Variants in LHX4 observed in about 807,000 individuals in gnomAD.
LHX4 encodes the protein LIM/homeobox protein Lhx4.
A neutral mutation model predicts 39.2 loss-of-function variants in LHX4; 16 were observed. That is an observed-to-expected ratio of 0.41 (90% CI 0.28 to 0.62). The LOEUF (loss-of-function observed/expected upper bound fraction) is 0.62. LHX4 is among the 20% of genes least tolerant of loss of function. LHX4 has a pLI of 0.33. For missense variants in LHX4, 439 were observed against 511.9 expected, an observed-to-expected ratio of 0.86 and a Z score of 1.37; for synonymous variants, 206 against 198.1, an observed-to-expected ratio of 1.04 and a Z score of -0.33.
At chr1:180,244,059 C>T (rs1191372460) in intron 1 of LHX4, among the ~76,000 whole-genome samples, 2 of 152,190 alleles carry the variant, frequency 1.3e-5, no homozygotes, top group East Asian at 3.9e-4. Flanking sequence ...TCAGTTTCCT[C>T]ATCTGTAAAA....
intron 2 of LHX4, among the ~76,000 whole-genome samples, chr1:180,256,983 A>G (rs986835463): frequency 4.6e-5 from 7 of 152,258 alleles, no homozygotes; most frequent in Non-Finnish European, 8.8e-5. Context: ...GATGCCTCGC[A>G]TGAAGTTGCC....
At chr1:180,268,753 C>T (rs1648447434) in intron 3 of LHX4, among the ~76,000 whole-genome samples, 1 of 152,182 alleles carries the variant, frequency 6.6e-6, no homozygotes, top group South Asian at 2.1e-4. Flanking sequence ...TGGCCTGTTC[C>T]CCGGGTCCTT....
chr1:180,277,735 T>TGAC lies in LHX4; in HGVS notation c.*3157_*3159dup, dbSNP rs1649119832. 1 of 152,218 alleles carries TGAC rather than the reference T, an allele frequency of 6.6e-6. No homozygotes were observed. Among genetic ancestry groups the TGAC allele is most frequent in the South Asian group, 2.1e-4 (1 of 4,826 alleles). 9.4% of individuals were successfully genotyped at this position (152,218 alleles called of 1,614,324 possible). A position where few individuals can be genotyped will look rare whatever the true frequency, so the allele number is the denominator to read the frequency against. On this transcript the variant is annotated 3_prime_UTR_variant, in exon 6 of 6. Coordinates refer to ENST00000263726, the MANE Select transcript of LHX4 (RefSeq NM_033343.4). ...TGTGCTTTCTCTTTCTTGTCTCATC[T>TGAC]GACAGTTATGAATATAACGTAAAAT...
chr1:180,249,199 A>C (rs1355258935), intron 2 of LHX4, among the ~76,000 whole-genome samples: 1 of 152,216 alleles, frequency 6.6e-6, no homozygotes, highest in Non-Finnish European at 1.5e-5. Flanking sequence ...CTATTTATGC[A>C]TCAAGTCCTC....
At chr1:180,260,504 G>A (rs1648070897) in intron 2 of LHX4, among the ~76,000 whole-genome samples, 1 of 151,802 alleles carries the variant, frequency 6.6e-6, no homozygotes, top group Admixed American at 6.5e-5. Flanking sequence ...CAGGAGCTCA[G>A]GCGGAGCTCA....
chr1:180,235,500 T>C (rs974838198), intron 1 of LHX4, among the ~76,000 whole-genome samples: 1 of 152,200 alleles, frequency 6.6e-6, no homozygotes, highest in Non-Finnish European at 1.5e-5. Flanking sequence ...TCGAGTCTAA[T>C]GTGACTGTTT....
At position 180,232,864 on chromosome 1, in the gene LHX4, T is replaced by C. The variant is rs909013925; in HGVS notation, c.76+2259T>C. 2.0e-5 allele frequency among the ~76,000 whole-genome samples: 3 copies of C among 152,156 alleles called. No homozygotes were observed. The highest frequency in any genetic ancestry group is 7.2e-5 in the African/African-American group (3 of 41,432). On this transcript the variant is annotated intron_variant, in intron 1 of 5. Transcript: ENST00000263726. The surrounding 1 kb of genome is among the most constrained non-coding windows in gnomAD (Gnocchi z 5.4). ...CTCGAGGGGTTGTGGGGCACACCCT[T>C]GGGCCTTCCGGGACAGTAGGCTCTT...
In LHX4 at chr1:180,271,977, G is replaced by A. The variant is rs1167644378; in HGVS notation, c.749G>A (p.Gly250Glu). 1 of 1,613,044 alleles carries A rather than the reference G, an allele frequency of 6.2e-7. No individual in the cohort carries two copies. Residue 250 changes from glycine to glutamate, a missense_variant, in exon 5 of 6, where the codon GGG (glycine) becomes GAG (glutamate). Coordinates refer to ENST00000263726, the MANE Select transcript of LHX4 (RefSeq NM_033343.4). ...AAGGAGAGCTCTGCAGAGGACTGTG[G>A]GGTTAGTGACAGTGAGCTGAGCTTC... is the stretch of plus-strand genomic sequence containing the variant. The part of the protein sequence containing the change: ...QEKESSAEDC[G>E]VSDSELSFRE...
In LHX4 at chr1:180,275,019, C is replaced by A. The variant is rs1007605258; in HGVS notation, c.*440C>A. On this transcript the variant is annotated 3_prime_UTR_variant, in exon 6 of 6. Coordinates refer to ENST00000263726, the MANE Select transcript of LHX4 (RefSeq NM_033343.4). ...GACTCCTAAGGTAGAGGCCTCACAG[C>A]CCTTGAGTAAAATAAAAGTGATTTC... is the stretch of plus-strand genomic sequence containing the variant. 4 of 159,514 alleles carry A rather than the reference C, an allele frequency of 2.5e-5. No individual in the cohort carries two copies. The highest frequency in any genetic ancestry group is 9.6e-5 in the African/African-American group (4 of 41,690). 9.9% of individuals were successfully genotyped at this position (159,514 alleles called of 1,614,324 possible). A position where few individuals can be genotyped will look rare whatever the true frequency, so the allele number is the denominator to read the frequency against.
intron 2 of LHX4, among the ~76,000 whole-genome samples, chr1:180,258,237 C>A (rs1354585439): frequency 6.6e-6 from 1 of 152,086 alleles, no homozygotes; most frequent in Non-Finnish European, 1.5e-5. Flanking sequence ...CCAGGGGTGT[C>A]CCCCTGAGCA....
intron 2 of LHX4, among the ~76,000 whole-genome samples, chr1:180,250,525 G>A (rs781516887): frequency 6.6e-6 from 1 of 152,176 alleles, no homozygotes; most frequent in South Asian, 2.1e-4. Context: ...AAGAGGCCAC[G>A]CCTCCGCTTG....
intron 3 of LHX4, chr1:180,270,098 A>C (rs1202624588): frequency 6.6e-6 from 1 of 152,202 alleles, no homozygotes; most frequent in Non-Finnish European, 1.5e-5. Flanking sequence ...TGGACTTCCA[A>C]GGGGGAAGTG....
Position 180,266,399 on chromosome 1 carries a change from G to A in LHX4, c.256G>A (p.Gly86Ser), listed in dbSNP as rs768603232. The change falls in exon 3 of 6, where the codon GGC (glycine) becomes AGC (serine). Residue 86 changes from glycine (G) to serine (S), a missense_variant. Transcript: ENST00000263726. This position sits in a 1 kb window ranked among gnomAD's most constrained non-coding sequence, Gnocchi z 5.7. Reference protein sequence around the residue: ...YCKEDFFKRFGTKCTACQQGI... With the variant: ...YCKEDFFKRFSTKCTACQQGI... ...TTCCTGCTGCCCTGACAGGCGCTTC[G>A]GCACAAAATGCACGGCCTGCCAGCA... 21 of 1,613,958 alleles carry A rather than the reference G, an allele frequency of 1.3e-5. No homozygotes were observed. The highest frequency in any genetic ancestry group is 2.7e-5 in the African/African-American group (2 of 74,904).
chr1:180,252,995 C>T (rs944212310), intron 2 of LHX4, among the ~76,000 whole-genome samples: 6 of 151,914 alleles, frequency 3.9e-5, no homozygotes, highest in Non-Finnish European at 8.8e-5. Flanking sequence ...TTTTTCCAAA[C>T]GAAATAAAAT....
chr1:180,247,467 A>G (rs1198427239), intron 1 of LHX4, among the ~76,000 whole-genome samples: 1 of 152,192 alleles, frequency 6.6e-6, no homozygotes, highest in East Asian at 1.9e-4. Context: ...AATACCCACC[A>G]AAGCACTTCA....
rs565119162 is a variant in LHX4, at chr1:180,243,989, G to T, written c.77-4296G>T. ...CAGGAAAGCAGCAGCACAGTCTATT[G>T]GTTGGAATTCTGGCTCCCCCACCGT... On this transcript the variant is annotated intron_variant, in intron 1 of 5. Coordinates refer to ENST00000263726, the MANE Select transcript of LHX4 (RefSeq NM_033343.4). Among the ~76,000 whole-genome samples, 129 of 152,276 alleles carry T rather than the reference G, an allele frequency of 8.5e-4. No individual in the cohort carries two copies. The Middle Eastern group carries it at 0.01, about 12-fold the overall frequency.
intron 2 of LHX4, among the ~76,000 whole-genome samples, chr1:180,265,036 C>G (rs1024332164): frequency 7.9e-5 from 12 of 152,234 alleles, no homozygotes; most frequent in Non-Finnish European, 1.5e-4. Context: ...ATAACCCCCT[C>G]AGCAGGTATC....
Position 180,234,187 on chromosome 1 carries a change from AT to A in LHX4, c.76+3583del, listed in dbSNP as rs1439959188. Among the ~76,000 whole-genome samples the A allele has an allele frequency of 1.8e-4, 9 of 48,852 alleles. No individual in the cohort carries two copies. Among genetic ancestry groups the A allele is most frequent in the Non-Finnish European group, 2.5e-4 (6 of 23,592 alleles). The allele number at this position is 48,852 out of a possible 152,430, so 32.0% of individuals were successfully genotyped here. On this transcript the variant is annotated intron_variant, in intron 1 of 5. Coordinates refer to ENST00000263726, the MANE Select transcript of LHX4 (RefSeq NM_033343.4). This position sits in a 1 kb window ranked among gnomAD's most constrained non-coding sequence, Gnocchi z 4.8. ...ACACAAATTATATATATATATATAT[AT>A]ATATATATATATATATATATATATA...
At chr1:180,239,216 TCCCC>T (rs1170570775) in intron 1 of LHX4, among the ~76,000 whole-genome samples, 3 of 152,178 alleles carry the variant, frequency 2.0e-5, no homozygotes, top group Non-Finnish European at 2.9e-5. Context: ...AATTAGTTAT[TCCCC>T]GACTAAATCA....
Sources: gnomAD v4.1 joint callset for allele counts (sites outside exome capture counted in the v4.1 genomes callset) on GRCh38, gnomAD v4.1.1 for gene constraint, Gnocchi (gnomAD v3.1) non-coding constraint, MANE v1.5 for transcripts, NCBI Gene and HGNC (gene_info 2026-07-23, HGNC 2026-07-21) for gene names.